Variants in SORCS2 observed in about 807,000 individuals in gnomAD.
The protein encoded by SORCS2 is sortilin related VPS10 domain containing receptor 2.
SORCS2 carries 100 observed loss-of-function variants against 141.6 expected under a neutral mutation model. The observed-to-expected ratio is 0.71, with a 90% CI of 0.60 to 0.83. The LOEUF is 0.83. Among genes scored for constraint, SORCS2 ranks in the 40% least tolerant of loss-of-function variants. The pLI, the probability that SORCS2 is intolerant of heterozygous loss-of-function variation, is 0.00. For synonymous variants in SORCS2, 789 were observed against 676.9 expected (o/e 1.17, Z -2.57); for missense variants, 1,646 against 1,560.2 (o/e 1.05, Z -0.93).
At chr4:7,269,057 G>A (rs1048998333) in intron 1 of SORCS2, among the ~76,000 whole-genome samples, 5 of 152,160 alleles carry the variant, frequency 3.3e-5, no homozygotes, top group African/African-American at 9.7e-5. Context: ...AGGTTGACGG[G>A]AGTAGGTCTA....
chr4:7,470,391 T>A (rs1343408915), intron 2 of SORCS2, among the ~76,000 whole-genome samples: 6 of 147,936 alleles, frequency 4.1e-5, no homozygotes, highest in South Asian at 4.2e-4. Context: ...CCATCTATCC[T>A]TCCATCCATC....
At chr4:7,454,772 C>T (rs1728756592) in intron 2 of SORCS2, among the ~76,000 whole-genome samples, 1 of 85,142 alleles carries the variant, frequency 1.2e-5, no homozygotes, top group Non-Finnish European at 2.2e-5. Context: ...GTGTTGGGGT[C>T]AGTGCTGTGT....
intron 3 of SORCS2, among the ~76,000 whole-genome samples, chr4:7,544,796 C>T (rs1003251922): frequency 6.6e-6 from 1 of 152,228 alleles, no homozygotes; most frequent in African/African-American, 2.4e-5. Context: ...TCCCCAGTCT[C>T]CCCCATGGCT....
chr4:7,539,312 G>C (rs1329414000), intron 3 of SORCS2, among the ~76,000 whole-genome samples: 1 of 152,198 alleles, frequency 6.6e-6, no homozygotes, highest in African/African-American at 2.4e-5. Context: ...GTCCTCACCA[G>C]GAACACGGGG....
At chr4:7,222,522 A>T (rs1028700820) in intron 1 of SORCS2, among the ~76,000 whole-genome samples, 1 of 149,240 alleles carries the variant, frequency 6.7e-6, no homozygotes, top group African/African-American at 2.5e-5. Context: ...CATGGTGATG[A>T]AGCACTCGTC....
chr4:7,610,683 T>C (rs1014670781), intron 3 of SORCS2, among the ~76,000 whole-genome samples: 1 of 152,130 alleles, frequency 6.6e-6, no homozygotes, highest in African/African-American at 2.4e-5. Context: ...AATCTGTTGA[T>C]TCCATCAGAT....
chr4:7,417,968 G>C (rs1049039965), intron 2 of SORCS2, among the ~76,000 whole-genome samples: 1 of 152,172 alleles, frequency 6.6e-6, no homozygotes, highest in Non-Finnish European at 1.5e-5. Context: ...GGGGCCCTGG[G>C]GTCAGTGGAG....
chr4:7,498,081 C>T (rs1263870951), intron 2 of SORCS2, among the ~76,000 whole-genome samples: 2 of 152,194 alleles, frequency 1.3e-5, no homozygotes, highest in Admixed American at 6.5e-5. Context: ...ATGACATCCA[C>T]GCACCCACAT....
intron 25 of SORCS2, 57 bp downstream of exon 25, chr4:7,734,431 C>A: frequency 5.7e-6 from 7 of 1,230,136 alleles, no homozygotes; most frequent in Non-Finnish European, 7.8e-6. Flanking sequence ...CGTAGGAAGC[C>A]AGGCCCAACT....
chr4:7,649,355 C>T (rs961162593), intron 4 of SORCS2, among the ~76,000 whole-genome samples: 2 of 77,478 alleles, frequency 2.6e-5, no homozygotes, highest in Admixed American at 1.7e-4. Context: ...CCAATGGTAT[C>T]GGGGGGGCTG....
chr4:7,666,644 C>T (rs1262642755), intron 7 of SORCS2, among the ~76,000 whole-genome samples: 2 of 152,168 alleles, frequency 1.3e-5, no homozygotes, highest in Non-Finnish European at 2.9e-5. Flanking sequence ...CAGTCCTGTC[C>T]TGACGGGCCT....
chr4:7,295,817 C>T (rs935065804), intron 1 of SORCS2, among the ~76,000 whole-genome samples: 11 of 152,238 alleles, frequency 7.2e-5, no homozygotes, highest in Admixed American at 2.0e-4. Context: ...TGGGCATTCC[C>T]ACACCTCTCC....
chr4:7,652,598 C>T (rs766885274), intron 4 of SORCS2, among the ~76,000 whole-genome samples: 2 of 152,146 alleles, frequency 1.3e-5, no homozygotes, highest in Non-Finnish European at 2.9e-5. Flanking sequence ...ATCCAAGAAC[C>T]CTCTCACCCT....
chr4:7,723,698 G>T lies in SORCS2; in HGVS notation c.2426G>T (p.Gly809Val), dbSNP rs755563436. ...TGGCCACATGGTGTTTCTCTGCAGG[G>T]TGATGTCCTGACTACCAAGTACCAG... Reference protein sequence around the residue: ...DVLFVVRQEQGDVLTTKYQVD... With the variant: ...DVLFVVRQEQVDVLTTKYQVD... Residue 809 changes from glycine (G) to valine (V), a missense_variant and splice_region_variant, in exon 19 of 27, where the codon GGT (glycine) becomes GTT (valine). Coordinates refer to ENST00000507866, the MANE Select transcript of SORCS2 (RefSeq NM_020777.3). 2 of 1,613,942 alleles carry T rather than the reference G, an allele frequency of 1.2e-6. No homozygotes were observed.
intron 2 of SORCS2, among the ~76,000 whole-genome samples, chr4:7,515,837 C>T (rs1732943093): frequency 6.6e-6 from 1 of 152,120 alleles, no homozygotes; most frequent in Admixed American, 6.5e-5. Flanking sequence ...AAACACTGAC[C>T]TCAGGGCCAG....
chr4:7,411,332 T>C (rs1441921128), intron 2 of SORCS2, among the ~76,000 whole-genome samples: 1 of 152,034 alleles, frequency 6.6e-6, no homozygotes, highest in African/African-American at 2.4e-5. Flanking sequence ...TGCTTCTAGC[T>C]TCTCTGCCTA....
intron 1 of SORCS2, among the ~76,000 whole-genome samples, chr4:7,267,170 G>C (rs868107873): frequency 1.6e-4 from 22 of 138,098 alleles, no homozygotes; most frequent in Middle Eastern, 7.5e-3. Flanking sequence ...GGACGGGACA[G>C]ACAAGAGTGA....
intron 2 of SORCS2, among the ~76,000 whole-genome samples, chr4:7,496,358 C>T (rs1731614703): frequency 6.6e-6 from 1 of 152,032 alleles, no homozygotes; most frequent in Non-Finnish European, 1.5e-5. Context: ...GGTCTGACTC[C>T]AAGGCCCTTG....
intron 3 of SORCS2, among the ~76,000 whole-genome samples, chr4:7,553,633 G>A (rs1252464928): frequency 6.6e-6 from 1 of 152,232 alleles, no homozygotes; most frequent in African/African-American, 2.4e-5. Context: ...GGAAGGTGGA[G>A]GTGTACGAGC....
Sources: gnomAD v4.1 joint callset for allele counts (sites outside exome capture counted in the v4.1 genomes callset) on GRCh38, gnomAD v4.1.1 for gene constraint, MANE v1.5 for transcripts, NCBI Gene and HGNC (gene_info 2026-07-23, HGNC 2026-07-21) for gene names.